Variants in ANK1 observed in about 807,000 individuals in gnomAD.
The protein encoded by ANK1 is ankyrin-1.
ANK1 carries 51 observed loss-of-function variants against 210.4 expected under a neutral mutation model. The ratio of observed to expected loss-of-function variants is 0.24; its 90% CI spans 0.19 to 0.31. The LOEUF (loss-of-function observed/expected upper bound fraction) is 0.31. Among genes scored for constraint, ANK1 ranks in the 10% least tolerant of loss-of-function variants. The probability of loss-of-function intolerance (pLI) is 1.00; values close to 1 mark genes in which losing one functional copy is unlikely to be tolerated. For missense variants in ANK1, 2,051 were observed against 2,504.4 expected (o/e 0.82, Z 3.86); for synonymous variants, 967 against 1,025.9 (o/e 0.94, Z 1.10).
chr8:41,881,355 C>G (rs1817555809), intron 1 of ANK1, among the ~76,000 whole-genome samples: 2 of 152,226 alleles, frequency 1.3e-5, no homozygotes, highest in Non-Finnish European at 2.9e-5. Context: ...TAAGGCACTG[C>G]CCATACCCTG....
intron 1 of ANK1, among the ~76,000 whole-genome samples, chr8:41,870,604 G>A (rs933027724): frequency 2.6e-5 from 4 of 152,244 alleles, no homozygotes; most frequent in Non-Finnish European, 4.4e-5. Context: ...AGCTGCCAGA[G>A]GTCTGAGAAC....
chr8:41,680,923 C>T (rs924383866), intron 37 of ANK1, among the ~76,000 whole-genome samples: 1 of 152,240 alleles, frequency 6.6e-6, no homozygotes, highest in Non-Finnish European at 1.5e-5. Context: ...AGCCCCACCA[C>T]ACCTGGGTCA....
intron 1 of ANK1, among the ~76,000 whole-genome samples, chr8:41,859,010 G>A (rs1219268101): frequency 6.6e-6 from 1 of 152,190 alleles, no homozygotes; most frequent in Non-Finnish European, 1.5e-5. Flanking sequence ...AGGACTATTA[G>A]TTGCTGACCC....
At chr8:41,797,766 C>A, upstream of ANK1, 2 of 569,964 alleles carry the variant, frequency 3.5e-6, no homozygotes, top group Non-Finnish European at 2.9e-6. The surrounding 1 kb of genome is among the most constrained non-coding windows in gnomAD (Gnocchi z 4.0). Context: ...CACCTCCTCC[C>A]CCAACCCCAG....
intron 12 of ANK1, among the ~76,000 whole-genome samples, 196 bp from the exon 13 acceptor site, chr8:41,717,247 A>G (rs527904751): frequency 6.6e-6 from 1 of 152,302 alleles, no homozygotes; most frequent in South Asian, 2.1e-4. Context: ...GTGTGTGTGC[A>G]CATACGTGCA....
chr8:41,767,856 G>T (rs900980937), intron 1 of ANK1, among the ~76,000 whole-genome samples: 3 of 152,300 alleles, frequency 2.0e-5, no homozygotes, highest in South Asian at 2.1e-4. Flanking sequence ...TTGCCGAGAC[G>T]TGGCCGGGGT....
At chr8:41,772,753 A>G (rs1208320925) in intron 1 of ANK1, among the ~76,000 whole-genome samples, 1 of 152,214 alleles carries the variant, frequency 6.6e-6, no homozygotes, top group Non-Finnish European at 1.5e-5. Context: ...GGCTGTGGCC[A>G]GCTGACCCGT....
intron 39 of ANK1, among the ~76,000 whole-genome samples, chr8:41,667,855 G>A (rs1393474543): frequency 1.3e-5 from 2 of 152,122 alleles, no homozygotes; most frequent in South Asian, 2.1e-4. Flanking sequence ...GGAAGAGAGC[G>A]CCTTGGGCAC....
chr8:41,694,775 C>A lies in ANK1; in HGVS notation c.3144G>T (p.Lys1048Asn), dbSNP rs1820349124. The A allele has an allele frequency of 2.5e-6, 4 of 1,614,192 alleles. No homozygotes were observed. Among genetic ancestry groups the A allele is most frequent in the Non-Finnish European group, 3.4e-6 (4 of 1,180,012 alleles). Residue 1048 changes from lysine (K) to asparagine (N), a missense_variant, in exon 28 of 43, where the codon AAG (lysine) becomes AAT (asparagine). Coordinates refer to ENST00000289734, the MANE Select transcript of ANK1 (RefSeq NM_000037.4). This position sits in a 1 kb window ranked among gnomAD's most constrained non-coding sequence, Gnocchi z 5.7. ...EELGSLEELE[K>N]KRVCRIITTD... The stretch of plus-strand genomic sequence containing the variant: ...TGGTGATGATTCGGCACACCCTCTT[C>A]TTCTCTAGCTCCTCCAGGCTCCCCA...
In ANK1 at chr8:41,802,966, A is replaced by G. The variant is rs1587072639; in HGVS notation, c.127-44829T>C. 4.1e-5 allele frequency among the ~76,000 whole-genome samples: 5 copies of G among 122,766 alleles called. 1 individual carries two copies. The highest frequency in any genetic ancestry group is 8.8e-5 in the Non-Finnish European group (5 of 56,998). The allele number at this position is 122,766 out of a possible 152,430, so 80.5% of individuals were successfully genotyped here. A position where few individuals can be genotyped will look rare whatever the true frequency, so the allele number is the denominator to read the frequency against. Reference sequence around the variant, plus strand: ...GAGAGAAAGGGGGGGGGGGAGAGAGAGAGAGATGAAAAAAGAAAGAGAGAA... The same window carrying G: ...GAGAGAAAGGGGGGGGGGGAGAGAGGGAGAGATGAAAAAAGAAAGAGAGAA... On this transcript the variant is annotated intron_variant, in intron 1 of 42. Coordinates refer to the ANK1 transcript ENST00000265709.
intron 1 of ANK1, among the ~76,000 whole-genome samples, chr8:41,873,881 AC>A (rs745608603): frequency 5.3e-5 from 8 of 152,200 alleles, no homozygotes; most frequent in Non-Finnish European, 1.2e-4. Context: ...AGGCTGGCAA[AC>A]CTGTGGCCTT....
At chr8:41,691,846 A>G (rs1819352811) in intron 31 of ANK1, among the ~76,000 whole-genome samples, 1 of 152,220 alleles carries the variant, frequency 6.6e-6, no homozygotes, top group Admixed American at 6.5e-5. Context: ...AGAATATGCA[A>G]GAAAAGCACT....
At chr8:41,660,582 C>T (rs761774495) in intron 42 of ANK1, 2 of 448,612 alleles carry the variant, frequency 4.5e-6, no homozygotes, top group Admixed American at 3.0e-5. Context: ...GATGGTCGCA[C>T]AGCGTCTTCA....
rs1352898801 is a variant in ANK1, at chr8:41,661,437, G to T, written c.*29C>A. On this transcript the variant is annotated 3_prime_UTR_variant, in exon 42 of 43. Transcript: ENST00000289734. ...TGAGAAGGGCAGCGTTACCTCCCGA[G>T]AGGCTACTCCAAGGAGAGCGGCTCG... The T allele has an allele frequency of 6.2e-7, 1 of 1,614,040 alleles. No homozygotes were observed. The highest frequency in any genetic ancestry group is 1.7e-5 in the Admixed American group (1 of 60,026).
At chr8:41,883,474 G>A (rs1247303985) in intron 1 of ANK1, among the ~76,000 whole-genome samples, 1 of 143,930 alleles carries the variant, frequency 6.9e-6, no homozygotes, top group East Asian at 2.0e-4. Context: ...TTGTTTGTTT[G>A]TTTTGAGACA....
At chr8:41,896,619 C>T in exon 1 of ANK1, 1 of 1,213,586 alleles carries the variant, frequency 8.2e-7, no homozygotes, top group South Asian at 2.3e-5. Context: ...GGGCCGGCTG[C>T]TGCGGGGTCG....
Position 41,706,128 on chromosome 8 carries a change from G to A in ANK1, c.2097+15C>T, listed in dbSNP as rs200206750. ...AGGAGTCCACACAGACTGAAGTTCC[G>A]GCTGCCTGCCTTACCCGGGTGGTGG... On this transcript the variant is annotated intron_variant, in intron 18 of 42. Transcript: ENST00000289734. 3.1e-4 allele frequency: 502 copies of A among 1,612,862 alleles called. 5 individuals are homozygous for A. The highest frequency in any genetic ancestry group is 1.1e-3 in the South Asian group (100 of 90,996).
rs1305660021 is a variant in ANK1 at position 41,848,917 on chromosome 8, T to C, written c.126+47438A>G. Among the ~76,000 whole-genome samples the C allele has an allele frequency of 2.0e-5, 3 of 152,140 alleles. No individual in the cohort carries two copies. In the East Asian group the frequency reaches 5.8e-4, roughly 29 times the overall value. On this transcript the variant is annotated intron_variant, in intron 1 of 42. Coordinates refer to the ANK1 transcript ENST00000265709. ...TTCAGGGGCCCTGGGCCAGACCCAG[T>C]CTCCAGGCCTGTGACCATTGCCCCT...
intron 23 of ANK1, among the ~76,000 whole-genome samples, chr8:41,698,794 C>A (rs1274548360): frequency 7.0e-6 from 1 of 142,784 alleles, no homozygotes; most frequent in African/African-American, 2.6e-5. Flanking sequence ...GTGAATCTTC[C>A]TCAACAATTT....
Sources: allele counts gnomAD v4.1 joint callset (sites outside exome capture counted in the v4.1 genomes callset), GRCh38; gene constraint gnomAD v4.1.1; non-coding constraint Gnocchi (gnomAD v3.1); transcripts MANE v1.5; gene names NCBI Gene and HGNC (gene_info 2026-07-23, HGNC 2026-07-21).